Variants in UBE2F observed in about 807,000 individuals in gnomAD.
UBE2F encodes the protein ubiquitin conjugating enzyme E2 F (putative).
A neutral mutation model predicts 29.6 loss-of-function variants in UBE2F; 5 were observed. That is an observed-to-expected ratio of 0.17 (90% confidence interval 0.09 to 0.36). The LOEUF is 0.36. Ranked by LOEUF, UBE2F falls within the 10% of genes least tolerant of loss-of-function variation. UBE2F has a pLI of 1.00. For missense variants in UBE2F, 141 were observed against 228.5 expected (o/e 0.62, Z 2.47); for synonymous variants, 66 against 81.8 (o/e 0.81, Z 1.04).
chr2:237,984,037 A>G (rs555242027), intron 2 of UBE2F, among the ~76,000 whole-genome samples: 1 of 128,496 alleles, frequency 7.8e-6, no homozygotes, highest in East Asian at 2.5e-4. Context: ...CCCCTCCCCT[A>G]CTCCTCCTCT....
At position 237,982,924 on chromosome 2, in the gene UBE2F, G is replaced by A. The variant is rs1196077602; in HGVS notation, c.119-5039G>A. ...CCATTGGAAAGGCAGCTATGTATCA[G>A]TGTGGGCATGAGAAGAATAATGGTA... On this transcript the variant is annotated intron_variant, in intron 2 of 9. Coordinates refer to ENST00000272930, the MANE Select transcript of UBE2F (RefSeq NM_080678.3). The surrounding 1 kb of genome is among the most constrained non-coding windows in gnomAD (Gnocchi z 4.1). 1.3e-5 allele frequency among the ~76,000 whole-genome samples: 2 copies of A among 152,156 alleles called. No homozygotes were observed. The highest frequency in any genetic ancestry group is 3.9e-4 in the East Asian group (2 of 5,190).
In UBE2F at chr2:237,973,180, G is replaced by A. The variant is rs968464715; in HGVS notation, c.73G>A (p.Asp25Asn). ...GTCCCGGACGGCAGCCACAGCGTCC[G>A]ACTCGACTCGGAGGGTTTCTGTGAG... The part of the protein sequence containing the change: ...KGSRTAATAS[D>N]STRRVSVRDK... The change falls in exon 2 of 10, where the codon GAC (aspartate) becomes AAC (asparagine). Residue 25 changes from aspartate to asparagine, a missense_variant. Coordinates refer to ENST00000272930, the MANE Select transcript of UBE2F (RefSeq NM_080678.3). 7 of 1,613,930 alleles carry A rather than the reference G, an allele frequency of 4.3e-6. No homozygotes were observed. The highest frequency in any genetic ancestry group is 1.3e-5 in the African/African-American group (1 of 74,922).
intron 9 of UBE2F, among the ~76,000 whole-genome samples, chr2:238,036,488 ATTTT>A (rs570624057): frequency 2.0e-5 from 3 of 150,254 alleles, no homozygotes; most frequent in East Asian, 3.9e-4. Context: ...CCGAGAAGTG[ATTTT>A]TTTTTTATGT....
Position 238,041,871 on chromosome 2 carries a change from T to C in UBE2F, c.*533T>C, listed in dbSNP as rs1041951807. ...CATAGAGTCATTCACTGTAGATCTCTTATTGAAATGCGTATTTTATTTAAT... is the reference window on the plus strand; with the variant it reads ...CATAGAGTCATTCACTGTAGATCTCCTATTGAAATGCGTATTTTATTTAAT... On this transcript the variant is annotated 3_prime_UTR_variant, in exon 10 of 10. Transcript: ENST00000272930. 6.5e-6 allele frequency: 1 copy of C among 152,830 alleles called. No homozygotes were observed. The highest frequency in any genetic ancestry group is 2.4e-5 in the African/African-American group (1 of 41,438). 9.5% of individuals were successfully genotyped at this position (152,830 alleles called of 1,614,324 possible).
Position 237,987,974 on chromosome 2 carries a change from C to T in UBE2F, c.130C>T (p.Leu44Phe). 1.3e-6 allele frequency: 2 copies of T among 1,505,028 alleles called. No homozygotes were observed. The highest frequency in any genetic ancestry group is 1.3e-5 in the South Asian group (1 of 75,820). 93.2% of individuals were successfully genotyped at this position (1,505,028 alleles called of 1,614,324 possible). A position where few individuals can be genotyped will look rare whatever the true frequency, so the allele number is the denominator to read the frequency against. The change falls in exon 3 of 10, where the codon CTT (leucine) becomes TTT (phenylalanine). Residue 44 changes from leucine (L) to phenylalanine (F), a missense_variant. Physicochemically the swap from Leu to Phe is conservative, Grantham distance 22. Coordinates refer to ENST00000272930, the MANE Select transcript of UBE2F (RefSeq NM_080678.3). ...DKLLVKEVAE[L>F]EANLPCTCKV... ...CTTTGTTTCTACAGAGGTTGCAGAA[C>T]TTGAAGCTAATTTACCTTGTAAGTA...
chr2:237,987,086 G>T (rs1391532130), intron 2 of UBE2F, among the ~76,000 whole-genome samples: 2 of 152,096 alleles, frequency 1.3e-5, no homozygotes, highest in Non-Finnish European at 2.9e-5. Flanking sequence ...GGGTAGTATG[G>T]ACATTTTAAC....
rs1576580453 is a variant in UBE2F, at chr2:237,967,035, A to C, written c.-114A>C. 1.1e-5 allele frequency: 14 copies of C among 1,284,172 alleles called. No homozygotes were observed. The highest frequency in any genetic ancestry group is 1.3e-5 in the Non-Finnish European group (13 of 1,013,108). 79.5% of individuals were successfully genotyped at this position (1,284,172 alleles called of 1,614,324 possible). On this transcript the variant is annotated 5_prime_UTR_variant, in exon 1 of 10. Coordinates refer to ENST00000272930, the MANE Select transcript of UBE2F (RefSeq NM_080678.3). This position sits in a 1 kb window ranked among gnomAD's most constrained non-coding sequence, Gnocchi z 6.3. Reference sequence around the variant, plus strand: ...CGCCACTTCCGGTCCCGCCGCCGGGAGCCGGTGCGGCTGTGAGGGGCCGCG... The same window carrying C: ...CGCCACTTCCGGTCCCGCCGCCGGGCGCCGGTGCGGCTGTGAGGGGCCGCG...
intron 2 of UBE2F, among the ~76,000 whole-genome samples, chr2:237,985,495 T>C (rs964737354): frequency 6.6e-5 from 10 of 152,264 alleles, no homozygotes; most frequent in African/African-American, 2.4e-4. Flanking sequence ...TGTAGCATAA[T>C]GTCTAGATTT....
chr2:237,986,216 C>A, intron 2 of UBE2F: 1 of 321,422 alleles, frequency 3.1e-6, no homozygotes, highest in Non-Finnish European at 6.0e-6. Flanking sequence ...GTGGTGTGGT[C>A]CCGGCTTACT....
intron 5 of UBE2F, among the ~76,000 whole-genome samples, chr2:238,020,193 A>G (rs1007624214): frequency 4.6e-5 from 7 of 152,166 alleles, no homozygotes; most frequent in Non-Finnish European, 7.3e-5. Flanking sequence ...GCCCTGAGGG[A>G]GTGCCAGCTG....
At chr2:237,993,188 ACGT>A (rs1256313527) in intron 3 of UBE2F, among the ~76,000 whole-genome samples, 1 of 152,084 alleles carries the variant, frequency 6.6e-6, no homozygotes, top group African/African-American at 2.4e-5. Context: ...GGGTTTCACC[ACGT>A]TGGCCAGGCT....
chr2:237,984,773 G>A (rs1365532110), intron 2 of UBE2F, among the ~76,000 whole-genome samples: 1 of 152,044 alleles, frequency 6.6e-6, no homozygotes, highest in African/African-American at 2.4e-5. Context: ...GCAACAAGAA[G>A]GTTTTTGTTT....
chr2:238,032,574 C>G (rs1010947772), intron 8 of UBE2F: 4 of 252,786 alleles, frequency 1.6e-5, no homozygotes, highest in African/African-American at 6.6e-5. Context: ...GAGATTGCAC[C>G]ACTGTACTCC....
At chr2:237,977,136 C>G (rs374596621) in intron 2 of UBE2F, among the ~76,000 whole-genome samples, 2 of 152,202 alleles carry the variant, frequency 1.3e-5, no homozygotes, top group African/African-American at 4.8e-5. Context: ...GCCCCTCCAG[C>G]TCCAAGGAAG....
rs116132803 is a variant in UBE2F, at chr2:237,982,100, G to T, written c.119-5863G>T. 0.02 allele frequency among the ~76,000 whole-genome samples: 2,980 copies of T among 152,276 alleles called. 94 individuals are homozygous for T. The highest frequency in any genetic ancestry group is 0.068 in the African/African-American group (2,843 of 41,530). Reference sequence around the variant, plus strand: ...TCATTTACTTAAAATGGGTCTATTTGATTGTATGTAAATTGGTCCCTGACA... The same window carrying T: ...TCATTTACTTAAAATGGGTCTATTTTATTGTATGTAAATTGGTCCCTGACA... On this transcript the variant is annotated intron_variant, in intron 2 of 9. Transcript: ENST00000272930. The surrounding 1 kb of genome is among the most constrained non-coding windows in gnomAD (Gnocchi z 4.1).
At chr2:237,991,609 C>CTTTCTTTCTTTTTTTTTTTTT (rs57180067) in intron 3 of UBE2F, among the ~76,000 whole-genome samples, 390 of 53,022 alleles carry the variant, frequency 7.4e-3, no homozygotes, top group East Asian at 0.016. Context: ...TTCTTTCTTT[C>CTTTCTTTCTTTTTTTTTTTTT]TTTTTTTTTT....
intron 4 of UBE2F, among the ~76,000 whole-genome samples, chr2:238,002,785 T>G (rs2063823306): frequency 6.6e-6 from 1 of 151,218 alleles, no homozygotes; most frequent in Non-Finnish European, 1.5e-5. Flanking sequence ...CTAATTTTTA[T>G]TTTATTTATT....
intron 4 of UBE2F, among the ~76,000 whole-genome samples, chr2:238,005,625 T>C (rs1282262714): frequency 6.6e-6 from 1 of 152,102 alleles, no homozygotes; most frequent in Non-Finnish European, 1.5e-5. Context: ...TCTATCTCTT[T>C]TTTGCATTGT....
intron 5 of UBE2F, among the ~76,000 whole-genome samples, chr2:238,019,775 T>C (rs148126828): frequency 0.027 from 3,985 of 150,098 alleles, 168 homozygotes; most frequent in African/African-American, 0.093. Flanking sequence ...TTCTCCTGCC[T>C]CAGCCTCCGG....
Sources: gnomAD v4.1 joint callset for allele counts (sites outside exome capture counted in the v4.1 genomes callset) on GRCh38, gnomAD v4.1.1 for gene constraint, Gnocchi (gnomAD v3.1) non-coding constraint, MANE v1.5 for transcripts, NCBI Gene and HGNC (gene_info 2026-07-23, HGNC 2026-07-21) for gene names.